TLE4: variants seen among roughly 807,000 people sequenced by gnomAD.
The protein encoded by TLE4 is TLE family member 4, transcriptional corepressor, also known as transducin-like enhancer protein 4.
TLE4 carries 8 observed loss-of-function variants against 92.8 expected under a neutral mutation model. The ratio of observed to expected loss-of-function variants is 0.09; its 90% confidence interval spans 0.05 to 0.16. TLE4 has a LOEUF of 0.16. Ranked by LOEUF, TLE4 falls within the 10% of genes least tolerant of loss-of-function variation. TLE4 has a pLI of 1.00. For synonymous variants in TLE4, 371 were observed against 374.1 expected, an observed-to-expected ratio of 0.99 and a Z score of 0.10; for missense variants, 675 against 997.6, an observed-to-expected ratio of 0.68 and a Z score of 4.36.
At chr9:79,629,920 A>G (rs932719893) in intron 6 of TLE4, among the ~76,000 whole-genome samples, 3 of 152,158 alleles carry the variant, frequency 2.0e-5, no homozygotes, top group Admixed American at 1.3e-4. Context: ...TTGAGCGTAG[A>G]TGGCTGGCTG....
chr9:79,701,332 G>T (rs557626947), intron 8 of TLE4, among the ~76,000 whole-genome samples: 2 of 152,000 alleles, frequency 1.3e-5, no homozygotes, highest in Non-Finnish European at 2.9e-5. Flanking sequence ...AAAATACAAC[G>T]CTGCCTGCAA....
In TLE4 at chr9:79,725,169, C is replaced by A; in HGVS notation, c.*25C>A. ...AAGACAAATCTTCATGCAGACTGGA[C>A]TTCTCCTCCTGGTAGCACTTTGCTC... is the stretch of plus-strand genomic sequence containing the variant. On this transcript the variant is annotated 3_prime_UTR_variant, in exon 20 of 20. Coordinates refer to ENST00000376552, the MANE Select transcript of TLE4 (RefSeq NM_007005.6). 6.5e-7 allele frequency: 1 copy of A among 1,540,086 alleles called. No homozygotes were observed. The highest frequency in any genetic ancestry group is 9.0e-7 in the Non-Finnish European group (1 of 1,113,154).
intron 11 of TLE4, 68 bp downstream of exon 11, chr9:79,706,967 T>A: frequency 6.3e-7 from 1 of 1,580,296 alleles, no homozygotes; most frequent in Non-Finnish European, 8.6e-7. Flanking sequence ...TTGATGTTTT[T>A]ATCTTTATAT....
At chr9:79,627,689 C>T in intron 6 of TLE4, 2 of 475,926 alleles carry the variant, frequency 4.2e-6, no homozygotes, top group Non-Finnish European at 7.5e-6. Flanking sequence ...GACTGGATAG[C>T]TCTTTTTCAT....
chr9:79,615,480 G>A (rs1242230336), intron 5 of TLE4, among the ~76,000 whole-genome samples: 1 of 152,186 alleles, frequency 6.6e-6, no homozygotes, highest in Admixed American at 6.5e-5. Context: ...ATTGGCTGGA[G>A]CGATTGTGAG....
chr9:79,704,524 C>A, intron 8 of TLE4: 2 of 477,236 alleles, frequency 4.2e-6, no homozygotes, highest in South Asian at 3.3e-5. Context: ...TCCTCTCCTC[C>A]CTCTGTCCCA....
At chr9:79,621,243 C>T (rs978024227) in intron 5 of TLE4, among the ~76,000 whole-genome samples, 4 of 152,138 alleles carry the variant, frequency 2.6e-5, no homozygotes, top group African/African-American at 9.7e-5. Flanking sequence ...GCGACACTTT[C>T]ACTTGAATTT....
At chr9:79,612,608 C>T in intron 4 of TLE4, 48 bp from the exon 5 acceptor site, 1 of 1,517,710 alleles carries the variant, frequency 6.6e-7, no homozygotes, top group African/African-American at 1.4e-5. Flanking sequence ...GAATCTGTAA[C>T]CAGCTGACTG....
intron 4 of TLE4, among the ~76,000 whole-genome samples, chr9:79,597,854 G>C (rs775740168): frequency 1.1e-4 from 16 of 152,202 alleles, no homozygotes; most frequent in Non-Finnish European, 2.1e-4. Context: ...TCTTAAAATT[G>C]TTCTGAACAT....
chr9:79,588,505 T>G (rs190868478), intron 4 of TLE4, among the ~76,000 whole-genome samples: 2 of 152,320 alleles, frequency 1.3e-5, no homozygotes, highest in East Asian at 3.9e-4. Flanking sequence ...CTGTACACAG[T>G]GAGCTTAAAT....
At chr9:79,689,707 G>A (rs562903308) in intron 8 of TLE4, among the ~76,000 whole-genome samples, 1 of 152,314 alleles carries the variant, frequency 6.6e-6, no homozygotes, top group South Asian at 2.1e-4. Context: ...TCTGGGATTT[G>A]TTGCTGAGCT....
intron 8 of TLE4, chr9:79,663,400 C>T (rs564276582): frequency 1.3e-5 from 2 of 152,296 alleles, no homozygotes; most frequent in South Asian, 2.1e-4. Context: ...AGCCACATAT[C>T]GAGTCCTTAG....
chr9:79,667,150 G>A (rs2061526255), intron 8 of TLE4, among the ~76,000 whole-genome samples: 1 of 152,208 alleles, frequency 6.6e-6, no homozygotes, highest in Non-Finnish European at 1.5e-5. Flanking sequence ...GAGGCTTCAG[G>A]AAGAGGACTG....
rs181919110 is a variant in TLE4 at position 79,708,207 on chromosome 9, A to T, written c.1026A>T (p.Gly342=). 2,248 of 1,614,160 alleles carry T rather than the reference A, an allele frequency of 1.4e-3. 2 individuals carry two copies. Among genetic ancestry groups the T allele is most frequent in the Non-Finnish European group, 1.7e-3 (1,996 of 1,180,010 alleles). Residue 342 remains glycine (G), a synonymous_variant, in exon 12 of 20, where the codon GGA becomes GGT. Transcript: ENST00000376552. ...CCCCAGGCAGTAACTCTACTCCCGG[A>T]TTGAGGCCTGTACCTGGAAAACCAC... ...APTPGSNSTP[G]LRPVPGKPPG...
chr9:79,599,971 G>T (rs1352040007), intron 4 of TLE4, among the ~76,000 whole-genome samples: 1 of 152,086 alleles, frequency 6.6e-6, no homozygotes, highest in Non-Finnish European at 1.5e-5. Flanking sequence ...CTCCATGACC[G>T]CAGGGATTTA....
chr9:79,706,648 C>T (rs1293568338), intron 10 of TLE4, 99 bp from the exon 11 acceptor site: 4 of 1,418,976 alleles, frequency 2.8e-6, no homozygotes, highest in East Asian at 4.6e-5. Flanking sequence ...TGCTTCTAAG[C>T]ATGCATTAAA....
chr9:79,588,452 C>G (rs1258333454), intron 4 of TLE4, among the ~76,000 whole-genome samples: 1 of 152,120 alleles, frequency 6.6e-6, no homozygotes, highest in African/African-American at 2.4e-5. Context: ...CCCGGCCTAT[C>G]CTTGTTTTCT....
At position 79,624,177 on chromosome 9, in the gene TLE4, GAA is replaced by G. The variant is rs5898638; in HGVS notation, c.316-3181_316-3180del. ...GCTTACTTGTTAAAACCCGAAAATGGAAAAAAAAAAAAAAAAAGCCTCCTGGG... is the reference window on the plus strand; with the variant it reads ...GCTTACTTGTTAAAACCCGAAAATGGAAAAAAAAAAAAAAAGCCTCCTGGG... On this transcript the variant is annotated intron_variant, in intron 5 of 19. Coordinates refer to ENST00000376552, the MANE Select transcript of TLE4 (RefSeq NM_007005.6). Among the ~76,000 whole-genome samples the G allele has an allele frequency of 3.8e-3, 498 of 132,728 alleles. 2 individuals are homozygous for G. The highest frequency in any genetic ancestry group is 4.5e-3 in the Non-Finnish European group (279 of 62,092). The allele number at this position is 132,728 out of a possible 152,430, so 87.1% of individuals were successfully genotyped here.
intron 3 of TLE4, 37 bp from the exon 4 acceptor site, chr9:79,576,096 A>G (rs775801018): frequency 1.1e-5 from 15 of 1,409,898 alleles, no homozygotes; most frequent in Admixed American, 2.2e-5. Flanking sequence ...TTGTTTGATG[A>G]AAGTCATGCA....
Sources: gnomAD v4.1 joint callset for allele counts (sites outside exome capture counted in the v4.1 genomes callset) on GRCh38, gnomAD v4.1.1 for gene constraint, MANE v1.5 for transcripts, NCBI Gene and HGNC (gene_info 2026-07-23, HGNC 2026-07-21) for gene names.